PCM1: variants seen among roughly 807,000 people sequenced by gnomAD.
The protein encoded by PCM1 is pericentriolar material 1, also known as pericentriolar material 1 protein.
Under a neutral mutation model 241.9 loss-of-function variants are expected in PCM1, and 157 were observed. The ratio of observed to expected loss-of-function variants is 0.65; its 90% CI spans 0.57 to 0.74. PCM1 has a LOEUF of 0.74. PCM1 is among the 30% of genes least tolerant of loss of function. The pLI is 0.00. For missense variants in PCM1, 3,478 were observed against 2,360.1 expected, an observed-to-expected ratio of 1.47 and a Z score of -9.81; for synonymous variants, 1,085 against 784.9, an observed-to-expected ratio of 1.38 and a Z score of -6.39.
Position 17,985,546 on chromosome 8 carries a change from T to C in PCM1, c.4208T>C (p.Leu1403Pro). The C allele has an allele frequency of 6.2e-7, 1 of 1,601,186 alleles. No homozygotes were observed. Among genetic ancestry groups the C allele is most frequent in the Non-Finnish European group, 8.5e-7 (1 of 1,172,556 alleles). The stretch of plus-strand genomic sequence containing the variant: ...CAAAATGAATCTCGTCCACATTTTC[T>C]TATTGAACTCTTCCATGAGCTGCAG... ...ISQNESRPHF[L>P]IELFHELQLL... The change falls in exon 25 of 39, where the codon CTT (leucine) becomes CCT (proline). Residue 1403 changes from leucine (L) to proline (P), a missense_variant. Physicochemically the swap from Leu to Pro is moderately conservative, Grantham distance 98. Coordinates refer to ENST00000325083, the MANE Select transcript of PCM1 (RefSeq NM_006197.4).
At chr8:17,959,806 G>A (rs2070788558) in intron 13 of PCM1, among the ~76,000 whole-genome samples, 1 of 152,062 alleles carries the variant, frequency 6.6e-6, no homozygotes, top group Non-Finnish European at 1.5e-5. Flanking sequence ...TATAAGAAGA[G>A]TTATTGAGGT....
intron 6 of PCM1, among the ~76,000 whole-genome samples, chr8:17,943,356 A>G (rs1030006335): frequency 6.6e-6 from 1 of 152,154 alleles, no homozygotes; most frequent in East Asian, 1.9e-4. Flanking sequence ...CCAGTTCACC[A>G]GTAGAGTGAA....
intron 29 of PCM1, among the ~76,000 whole-genome samples, chr8:17,995,020 T>A (rs2086161326): frequency 6.6e-6 from 1 of 151,478 alleles, no homozygotes. Context: ...TGCAGAAGCT[T>A]TTTAACTTGA....
intron 36 of PCM1, 89 bp from the exon 37 acceptor site, chr8:18,025,272 G>C: frequency 1.4e-6 from 1 of 716,070 alleles, no homozygotes; most frequent in Non-Finnish European, 2.4e-6. Flanking sequence ...AAATGTGATA[G>C]AATTACTGAG....
At chr8:17,987,429 T>A (rs1295364803) in intron 26 of PCM1, among the ~76,000 whole-genome samples, 1 of 151,860 alleles carries the variant, frequency 6.6e-6, no homozygotes. Flanking sequence ...TACTTCCATT[T>A]ATTTTAAGAG....
chr8:17,943,674 C>G (rs2062896250), intron 6 of PCM1, among the ~76,000 whole-genome samples: 1 of 151,972 alleles, frequency 6.6e-6, no homozygotes, highest in Non-Finnish European at 1.5e-5. Context: ...TTAAGGCTGT[C>G]TCGTTGTTCT....
intron 6 of PCM1, among the ~76,000 whole-genome samples, chr8:17,944,297 G>C (rs2063108349): frequency 1.3e-5 from 2 of 152,152 alleles, no homozygotes; most frequent in African/African-American, 4.8e-5. Context: ...TAGAGCCTAA[G>C]AACCTGATTT....
At chr8:17,971,167 A>G (rs1398509438) in intron 22 of PCM1, among the ~76,000 whole-genome samples, 1 of 152,186 alleles carries the variant, frequency 6.6e-6, no homozygotes, top group East Asian at 1.9e-4. Flanking sequence ...TTTTCTTCCA[A>G]CTATTTAAGA....
chr8:17,938,452 A>T (rs1310954014), intron 4 of PCM1, among the ~76,000 whole-genome samples: 2 of 152,156 alleles, frequency 1.3e-5, no homozygotes, highest in African/African-American at 4.8e-5. Context: ...TCTTGTCTGA[A>T]ATATTTTGGA....
At chr8:17,935,819 A>G in intron 3 of PCM1, 113 bp downstream of exon 3, 2 of 588,460 alleles carry the variant, frequency 3.4e-6, no homozygotes, top group Non-Finnish European at 6.3e-6. Flanking sequence ...GCTGGCCAAG[A>G]CATTAAGGGA....
intron 26 of PCM1, among the ~76,000 whole-genome samples, chr8:17,989,379 C>G (rs544942861): frequency 1.3e-5 from 2 of 152,082 alleles, no homozygotes; most frequent in South Asian, 2.1e-4. Context: ...TTTGTCAAAA[C>G]TCATCAAACT....
intron 30 of PCM1, among the ~76,000 whole-genome samples, chr8:18,008,154 C>G (rs1460724539): frequency 6.6e-6 from 1 of 152,092 alleles, no homozygotes; most frequent in Non-Finnish European, 1.5e-5. Context: ...GGCGAGTGAG[C>G]AAAGCTTCAT....
intron 8 of PCM1, among the ~76,000 whole-genome samples, chr8:17,951,894 C>G (rs560699470): frequency 6.6e-6 from 1 of 152,068 alleles, no homozygotes; most frequent in South Asian, 2.1e-4. Context: ...TTCCTAAGCC[C>G]TAGTGGATTC....
At chr8:17,955,952 A>G (rs1265013562) in intron 10 of PCM1, 5 of 385,916 alleles carry the variant, frequency 1.3e-5, no homozygotes, top group Non-Finnish European at 2.4e-5. Context: ...ACCAGGCTGT[A>G]GAATCAGACA....
At chr8:17,936,915 AAAT>A (rs2129449301) in intron 3 of PCM1, among the ~76,000 whole-genome samples, 1 of 152,332 alleles carries the variant, frequency 6.6e-6, no homozygotes, top group African/African-American at 2.4e-5. Flanking sequence ...CTTGATAAGA[AAAT>A]AATCTCTTTT....
intron 36 of PCM1, among the ~76,000 whole-genome samples, chr8:18,019,643 G>C (rs1168289275): frequency 6.6e-6 from 1 of 152,156 alleles, no homozygotes; most frequent in Non-Finnish European, 1.5e-5. Flanking sequence ...TCACAATAGG[G>C]TTCAAGCTCC....
intron 18 of PCM1, among the ~76,000 whole-genome samples, chr8:17,965,684 G>A (rs1316270100): frequency 6.6e-6 from 1 of 152,232 alleles, no homozygotes; most frequent in Non-Finnish European, 1.5e-5. Flanking sequence ...GAAATACTAT[G>A]TGGTTGAACT....
chr8:17,944,821 T>TA lies in PCM1; in HGVS notation c.784-2364dup, dbSNP rs2063266914. ...GAATGTGAAAGTTATTAAGTAGTAA[T>TA]ATTTCACTAATTTTGAAAATTGAGA... On this transcript the variant is annotated intron_variant, in intron 6 of 38. Transcript: ENST00000325083. 2.6e-5 allele frequency among the ~76,000 whole-genome samples: 4 copies of TA among 152,120 alleles called. No individual in the cohort carries two copies. The South Asian group carries it at 8.3e-4, about 32-fold the overall frequency.
Position 17,966,062 on chromosome 8 carries a change from A to G in PCM1, c.2919A>G (p.Gln973=). 1.2e-6 allele frequency: 2 copies of G among 1,613,862 alleles called. No individual in the cohort carries two copies. Among genetic ancestry groups the G allele is most frequent in the Non-Finnish European group, 8.5e-7 (1 of 1,179,826 alleles). The change falls in exon 19 of 39, where the codon CAA becomes CAG. Residue 973 remains glutamine (Q), a synonymous_variant. Transcript: ENST00000325083. ...ENYRPLAKTR[Q]QNISMQRQEN... is the part of the protein sequence containing the mutation. ...ATCGTCCTTTAGCCAAGACAAGGCA[A>G]CAGAATATCAGCATGCAACGGCAAG...
Sources: allele counts gnomAD v4.1 joint callset (sites outside exome capture counted in the v4.1 genomes callset), GRCh38; gene constraint gnomAD v4.1.1; transcripts MANE v1.5; gene names NCBI Gene and HGNC (gene_info 2026-07-23, HGNC 2026-07-21).